ABLIM1: variants seen among roughly 807,000 people sequenced by gnomAD.
ABLIM1 encodes actin binding LIM protein 1.
Under a neutral mutation model 107.0 loss-of-function variants are expected in ABLIM1, and 40 were observed. That is an observed-to-expected ratio of 0.37 (90% CI 0.29 to 0.49). The LOEUF is 0.49. Ranked by LOEUF, ABLIM1 falls within the 20% of genes least tolerant of loss-of-function variation. The pLI is 0.97. For missense variants in ABLIM1, 857 were observed against 1,008.5 expected (o/e 0.85, Z 2.04); for synonymous variants, 357 against 357.3 (o/e 1.00, Z 0.01).
At chr10:114,512,324 A>G (rs147307916) in intron 6 of ABLIM1, among the ~76,000 whole-genome samples, 231 of 152,358 alleles carry the variant, frequency 1.5e-3, no homozygotes, top group African/African-American at 5.3e-3. Flanking sequence ...TCTGGGGACC[A>G]GTCTGCAGAG....
intron 1 of ABLIM1, among the ~76,000 whole-genome samples, chr10:114,638,511 T>C (rs1004204804): frequency 6.6e-6 from 1 of 152,158 alleles, no homozygotes; most frequent in Non-Finnish European, 1.5e-5. Flanking sequence ...TTATACTTTA[T>C]ATGTGAGAAA....
intron 4 of ABLIM1, among the ~76,000 whole-genome samples, chr10:114,551,162 G>T (rs2068012584): frequency 6.6e-6 from 1 of 152,328 alleles, no homozygotes; most frequent in South Asian, 2.1e-4. Flanking sequence ...CTGCTATCAG[G>T]AAGAAAAGAG....
the ABLIM1 span, among the ~76,000 whole-genome samples, chr10:114,784,023 A>C: frequency 6.6e-6 from 1 of 151,962 alleles, no homozygotes; most frequent in African/African-American, 2.4e-5. Context: ...GAATGGAATG[A>C]GGGTAAGAAA....
chr10:114,474,170 C>T (rs554283340), intron 8 of ABLIM1, among the ~76,000 whole-genome samples: 7 of 152,150 alleles, frequency 4.6e-5, no homozygotes, highest in African/African-American at 1.7e-4. Flanking sequence ...CTTTCTCTGG[C>T]CCTTCCTGCT....
At chr10:114,795,349 G>A in the ABLIM1 span, among the ~76,000 whole-genome samples, 1 of 152,148 alleles carries the variant, frequency 6.6e-6, no homozygotes, top group Non-Finnish European at 1.5e-5. Flanking sequence ...GTGCTTAAGT[G>A]GGATAACTAA....
intron 1 of ABLIM1, among the ~76,000 whole-genome samples, chr10:114,729,209 A>G (rs1235863423): frequency 2.0e-5 from 3 of 152,116 alleles, no homozygotes; most frequent in African/African-American, 7.3e-5. Flanking sequence ...GATATGACCC[A>G]GAAGGACTCC....
At chr10:114,469,728 A>G (rs1233619280) in intron 10 of ABLIM1, among the ~76,000 whole-genome samples, 1 of 152,260 alleles carries the variant, frequency 6.6e-6, no homozygotes, top group Non-Finnish European at 1.5e-5. Flanking sequence ...GTTTGTTTAC[A>G]ACTACATATT....
intron 1 of ABLIM1, among the ~76,000 whole-genome samples, chr10:114,725,260 T>C (rs2081932243): frequency 6.6e-6 from 1 of 152,190 alleles, no homozygotes; most frequent in African/African-American, 2.4e-5. Flanking sequence ...CAAAGATGTA[T>C]GTACAAGGAT....
At chr10:114,676,805 G>A (rs543307910) in intron 1 of ABLIM1, among the ~76,000 whole-genome samples, 4 of 152,062 alleles carry the variant, frequency 2.6e-5, no homozygotes, top group South Asian at 2.1e-4. Flanking sequence ...GCATGATCTC[G>A]ACTCACTGCA....
intron 4 of ABLIM1, among the ~76,000 whole-genome samples, chr10:114,549,771 T>C (rs192759362): frequency 6.6e-6 from 1 of 152,338 alleles, no homozygotes; most frequent in East Asian, 1.9e-4. Context: ...TGGAATACTA[T>C]GGGCTGTTCA....
intron 8 of ABLIM1, among the ~76,000 whole-genome samples, chr10:114,482,468 G>C (rs945529425): frequency 2.0e-5 from 3 of 152,178 alleles, no homozygotes; most frequent in Non-Finnish European, 2.9e-5. Context: ...TTAAGTGGTG[G>C]AAAATGAGCT....
At chr10:114,484,803 A>G (rs2057936620) in intron 8 of ABLIM1, among the ~76,000 whole-genome samples, 1 of 152,104 alleles carries the variant, frequency 6.6e-6, no homozygotes, top group Admixed American at 6.5e-5. Context: ...GGCAAATCTC[A>G]GCCAGCCTCC....
chr10:114,508,222 G>T (rs1351494929), intron 6 of ABLIM1, among the ~76,000 whole-genome samples: 1 of 152,170 alleles, frequency 6.6e-6, no homozygotes, highest in African/African-American at 2.4e-5. Context: ...CAGTGATAAA[G>T]GAAGAACTTT....
intron 1 of ABLIM1, among the ~76,000 whole-genome samples, chr10:114,699,915 T>A (rs1329439652): frequency 1.3e-5 from 2 of 152,200 alleles, no homozygotes; most frequent in Admixed American, 1.3e-4. Context: ...TATTGCAAGA[T>A]GTTGCCCCAA....
intron 1 of ABLIM1, among the ~76,000 whole-genome samples, chr10:114,739,069 T>C (rs1265573536): frequency 6.6e-6 from 1 of 152,202 alleles, no homozygotes; most frequent in Admixed American, 6.5e-5. Flanking sequence ...AAGGTGGTGA[T>C]TTTAAGTAAC....
intron 6 of ABLIM1, among the ~76,000 whole-genome samples, chr10:114,524,604 T>C (rs1037636063): frequency 2.6e-5 from 4 of 151,820 alleles, no homozygotes; most frequent in African/African-American, 9.7e-5. Flanking sequence ...AACAAAAAAC[T>C]CTATATTTAC....
chr10:114,730,719 T>G (rs575712804), intron 1 of ABLIM1, among the ~76,000 whole-genome samples: 3 of 152,274 alleles, frequency 2.0e-5, no homozygotes, highest in African/African-American at 7.2e-5. Context: ...TAGTGGTTTT[T>G]GGTATATTCA....
intron 1 of ABLIM1, among the ~76,000 whole-genome samples, chr10:114,700,315 T>A (rs1488949603): frequency 1.3e-5 from 2 of 152,140 alleles, no homozygotes; most frequent in African/African-American, 4.8e-5. Flanking sequence ...AAGATATATA[T>A]CATGTCTATG....
chr10:114,607,512 T>C (rs1045600227), intron 1 of ABLIM1, among the ~76,000 whole-genome samples: 5 of 152,108 alleles, frequency 3.3e-5, no homozygotes, highest in African/African-American at 9.7e-5. Flanking sequence ...AACTTTACAA[T>C]AGAGAAATCT....
Sources: allele counts gnomAD v4.1 joint callset (sites outside exome capture counted in the v4.1 genomes callset), GRCh38; gene constraint gnomAD v4.1.1; transcripts MANE v1.5; gene names NCBI Gene and HGNC (gene_info 2026-07-23, HGNC 2026-07-21).